Variants in KIF24 observed in about 807,000 individuals in gnomAD.
KIF24 encodes the protein kinesin family member 24.
A neutral mutation model predicts 118.9 loss-of-function variants in KIF24; 81 were observed. That is an observed-to-expected ratio of 0.68 (90% CI 0.57 to 0.82). The LOEUF (loss-of-function observed/expected upper bound fraction) is 0.82, where lower values mean the gene tolerates loss of function less well. Ranked by LOEUF, KIF24 falls within the 40% of genes least tolerant of loss-of-function variation. The pLI, the probability that KIF24 is intolerant of heterozygous loss-of-function variation, is 0.00. For synonymous variants in KIF24, 599 were observed against 610.0 expected (o/e 0.98, Z 0.27); for missense variants, 1,560 against 1,661.6 (o/e 0.94, Z 1.06).
At chr9:34,260,404 AC>A (rs140244071) in intron 9 of KIF24, among the ~76,000 whole-genome samples, 18,761 of 152,182 alleles carry the variant, frequency 0.12, 1,508 homozygotes, top group Non-Finnish European at 0.18. Context: ...AAATGATTAT[AC>A]CTGTACTTAG....
At chr9:34,311,761 T>TAC (rs1837173525) in intron 1 of KIF24, among the ~76,000 whole-genome samples, 2 of 147,894 alleles carry the variant, frequency 1.4e-5, no homozygotes, top group Admixed American at 6.8e-5. Flanking sequence ...TATATGTGTA[T>TAC]ATATACATAT....
intron 1 of KIF24, chr9:34,319,541 G>A: frequency 1.7e-6 from 2 of 1,167,600 alleles, no homozygotes; most frequent in Non-Finnish European, 2.5e-6. Flanking sequence ...GCCCCAAGCT[G>A]TTCTACTCCG....
At chr9:34,284,101 C>G (rs1835950845) in intron 6 of KIF24, among the ~76,000 whole-genome samples, 1 of 151,928 alleles carries the variant, frequency 6.6e-6, no homozygotes, top group African/African-American at 2.4e-5. Flanking sequence ...GACCCTGTCT[C>G]TACAAAGAAT....
intron 2 of KIF24, among the ~76,000 whole-genome samples, chr9:34,308,951 C>T (rs1837034864): frequency 6.6e-6 from 1 of 151,986 alleles, no homozygotes; most frequent in South Asian, 2.1e-4. Flanking sequence ...GACAGTGGTG[C>T]ATACCTGTAG....
chr9:34,321,392 T>G (rs1406548566), intron 1 of KIF24, among the ~76,000 whole-genome samples: 1 of 152,046 alleles, frequency 6.6e-6, no homozygotes, highest in Non-Finnish European at 1.5e-5. Flanking sequence ...TATGAGTCTC[T>G]GCTTCTTCAA....
rs753178804 is a variant in KIF24 at position 34,257,028 on chromosome 9, G to A, written c.2579C>T (p.Thr860Met). 13 of 1,613,874 alleles carry A rather than the reference G, an allele frequency of 8.1e-6. No homozygotes were observed. Among genetic ancestry groups the A allele is most frequent in the South Asian group, 5.5e-5 (5 of 91,084 alleles). The change falls in exon 11 of 13, where the codon ACG (threonine) becomes ATG (methionine). Residue 860 changes from threonine to methionine, a missense_variant. Coordinates refer to ENST00000402558, the MANE Select transcript of KIF24 (RefSeq NM_194313.4). ...NSEDSFFLHQ[T>M]WGQGPEKQVA... ...CTGCTTCTCAGGACCCTGTCCCCAC[G>A]TCTGGTGCAGGAAGAATGAGTCTTC... is the stretch of plus-strand genomic sequence containing the variant.
chr9:34,293,147 A>C (rs1488807049), intron 4 of KIF24, among the ~76,000 whole-genome samples: 1 of 152,150 alleles, frequency 6.6e-6, no homozygotes, highest in Non-Finnish European at 1.5e-5. Context: ...AACAAAGCAC[A>C]AAAAAATGGG....
chr9:34,321,381 C>A (rs1837513991), intron 1 of KIF24, among the ~76,000 whole-genome samples: 1 of 151,758 alleles, frequency 6.6e-6, no homozygotes, highest in South Asian at 2.1e-4. Context: ...TATTTAACAT[C>A]TATGAGTCTC....
intron 1 of KIF24, chr9:34,319,146 A>G (rs1837431332): frequency 1.1e-5 from 18 of 1,584,100 alleles, no homozygotes; most frequent in Non-Finnish European, 1.6e-5. Context: ...TACTATGACA[A>G]TGAGAAGGAA....
intron 1 of KIF24, among the ~76,000 whole-genome samples, chr9:34,321,940 G>C (rs996422643): frequency 2.0e-5 from 3 of 151,988 alleles, no homozygotes; most frequent in African/African-American, 7.2e-5. Flanking sequence ...TTTAAAAGGA[G>C]TCCTACAGCT....
chr9:34,273,629 T>C (rs1235890209), intron 6 of KIF24, among the ~76,000 whole-genome samples: 2 of 6,722 alleles, frequency 3.0e-4, no homozygotes, highest in African/African-American at 1.4e-3. Flanking sequence ...AGGCACAGTG[T>C]GGGGCAGAGT....
At chr9:34,295,194 T>TGGATAGACAGACAGAC in intron 4 of KIF24, among the ~76,000 whole-genome samples, 1 of 149,688 alleles carries the variant, frequency 6.7e-6, no homozygotes, top group East Asian at 2.0e-4. Context: ...GATGGATGGA[T>TGGATAGACAGACAGAC]AGACAGACAG....
chr9:34,310,076 T>C (rs190618904), intron 2 of KIF24, among the ~76,000 whole-genome samples: 164 of 152,218 alleles, frequency 1.1e-3, no homozygotes, highest in Non-Finnish European at 2.0e-3. Context: ...TTTCAAATTC[T>C]AACTCGAAGC....
In KIF24 at chr9:34,290,281, G is replaced by A. The variant is rs754291456; in HGVS notation, c.1020C>T (p.Ile340=). The A allele has an allele frequency of 1.9e-6, 3 of 1,613,352 alleles. No individual in the cohort carries two copies. Among genetic ancestry groups the A allele is most frequent in the Admixed American group, 3.3e-5 (2 of 59,996 alleles). The change falls in exon 5 of 13, where the codon ATC becomes ATT. Residue 340 remains isoleucine (I), a synonymous_variant. Coordinates refer to ENST00000402558, the MANE Select transcript of KIF24 (RefSeq NM_194313.4). ...GCTGGGACACTTCTAGTTGCCTGAA[G>A]ATATCTTTGGCAGCTAGAGCATACA... The part of the protein sequence containing the change: ...PGLYALAAKD[I]FRQLEVSQPR...
chr9:34,318,562 C>A lies in KIF24; in HGVS notation c.-25-7191G>T. The A allele has an allele frequency of 1.6e-6, 2 of 1,215,678 alleles. No individual in the cohort carries two copies. Among genetic ancestry groups the A allele is most frequent in the Non-Finnish European group, 2.4e-6 (2 of 836,866 alleles). The allele number at this position is 1,215,678 out of a possible 1,614,324, so 75.3% of individuals were successfully genotyped here. A position where few individuals can be genotyped will look rare whatever the true frequency, so the allele number is the denominator to read the frequency against. Reference sequence around the variant, plus strand: ...AACACAGCGCCGGCCTGGCCTTCAGCCTGTACCAGGCCATGGCCAAGGACC... The same window carrying A: ...AACACAGCGCCGGCCTGGCCTTCAGACTGTACCAGGCCATGGCCAAGGACC... On this transcript the variant is annotated intron_variant, in intron 1 of 12. Transcript: ENST00000402558. The surrounding 1 kb of genome is among the most constrained non-coding windows in gnomAD (Gnocchi z 4.9).
chr9:34,320,806 G>A (rs1837495740), intron 1 of KIF24, among the ~76,000 whole-genome samples: 1 of 152,012 alleles, frequency 6.6e-6, no homozygotes, highest in Non-Finnish European at 1.5e-5. Flanking sequence ...AATTCAGGTT[G>A]CCAAAATGTT....
upstream of KIF24, among the ~76,000 whole-genome samples, chr9:34,330,784 AC>A (rs1837899201): frequency 6.6e-6 from 1 of 151,892 alleles, no homozygotes; most frequent in Non-Finnish European, 1.5e-5. Context: ...ACACGGTGAA[AC>A]CCCGTCTCTA....
chr9:34,258,865 T>C (rs913712926), intron 10 of KIF24, among the ~76,000 whole-genome samples: 4 of 152,204 alleles, frequency 2.6e-5, no homozygotes, highest in Admixed American at 1.3e-4. Context: ...CTTAGCACTA[T>C]TGACATTTTG....
In KIF24 at chr9:34,255,773, A is replaced by C. The variant is rs1834807153; in HGVS notation, c.3834T>G (p.Thr1278=). 3.1e-6 allele frequency: 5 copies of C among 1,613,608 alleles called. No homozygotes were observed. In the Admixed American group the frequency reaches 5.0e-5, roughly 16 times the overall value. Residue 1278 remains threonine, a synonymous_variant, in exon 11 of 13, where the codon ACT becomes ACG. Transcript: ENST00000402558. ...SPLVPSCSPK[T]AGTLRQPTLE... ...GGGTGGGCTGACGGAGTGTCCCTGC[A>C]GTCTTGGGAGAGCAGCTGGGAACCA...
Sources: gnomAD v4.1 joint callset for allele counts (sites outside exome capture counted in the v4.1 genomes callset) on GRCh38, gnomAD v4.1.1 for gene constraint, Gnocchi (gnomAD v3.1) non-coding constraint, MANE v1.5 for transcripts, NCBI Gene and HGNC (gene_info 2026-07-23, HGNC 2026-07-21) for gene names.